Variants in HIF1A observed in about 807,000 individuals in gnomAD.
HIF1A encodes hypoxia inducible factor 1 subunit alpha.
In HIF1A, 24 loss-of-function variants were observed where a neutral mutation model predicts 92.7. The observed-to-expected ratio is 0.26, with a 90% CI of 0.19 to 0.36. The LOEUF (loss-of-function observed/expected upper bound fraction) is 0.36, where lower values mean the gene tolerates loss of function less well. Ranked by LOEUF, HIF1A falls within the 10% of genes least tolerant of loss-of-function variation. The probability of loss-of-function intolerance (pLI) is 1.00; values close to 1 mark genes in which losing one functional copy is unlikely to be tolerated. For synonymous variants in HIF1A, 319 were observed against 338.7 expected (o/e 0.94, Z 0.64); for missense variants, 799 against 998.5 (o/e 0.80, Z 2.69).
intron 7 of HIF1A, among the ~76,000 whole-genome samples, chr14:61,732,990 G>A (rs185739907): frequency 2.6e-5 from 4 of 152,316 alleles, no homozygotes; most frequent in Admixed American, 1.3e-4. Flanking sequence ...ATATAGGCAT[G>A]CAGTGCATAA....
chr14:61,721,679 T>A (rs73331628), intron 3 of HIF1A, 25 bp downstream of exon 3: 1 of 1,608,404 alleles, frequency 6.2e-7, no homozygotes, highest in African/African-American at 1.3e-5. Flanking sequence ...TATTAAGAGC[T>A]CTTCTATATG....
At chr14:61,729,106 C>T (rs996078075) in intron 6 of HIF1A, among the ~76,000 whole-genome samples, 1 of 152,200 alleles carries the variant, frequency 6.6e-6, no homozygotes, top group East Asian at 1.9e-4. Context: ...AGCTCTGATA[C>T]TTACAATGTG....
At chr14:61,744,656 AT>A (rs752667598) in intron 12 of HIF1A, 48 bp from the exon 13 acceptor site, 58 of 763,024 alleles carry the variant, frequency 7.6e-5, no homozygotes, top group South Asian at 1.7e-4. Context: ...CTCACTGGAT[AT>A]TTTTTTTAAA....
chr14:61,715,194 T>C (rs891032491), intron 1 of HIF1A, among the ~76,000 whole-genome samples: 9 of 152,224 alleles, frequency 5.9e-5, no homozygotes, highest in African/African-American at 2.2e-4. Flanking sequence ...GCCATAATGA[T>C]TGGCATTACC....
At chr14:61,720,352 T>C in intron 1 of HIF1A, 30 bp from the exon 2 acceptor site, 2 of 1,548,670 alleles carry the variant, frequency 1.3e-6, no homozygotes, top group Non-Finnish European at 1.8e-6. Context: ...ACACTTTCCA[T>C]CTCGTGTTTT....
At chr14:61,745,906 C>A in intron 14 of HIF1A, 89 bp downstream of exon 14, 2 of 1,183,016 alleles carry the variant, frequency 1.7e-6, no homozygotes, top group Non-Finnish European at 1.2e-6. Context: ...GTGAGAATGA[C>A]TTTGGTTCCT....
chr14:61,720,349 C>A lies in HIF1A; in HGVS notation c.36-33C>A, dbSNP rs766609703. 4 of 1,534,806 alleles carry A rather than the reference C, an allele frequency of 2.6e-6. No individual in the cohort carries two copies. The East Asian group carries it at 9.2e-5, about 35-fold the overall frequency. On this transcript the variant is annotated intron_variant, in intron 1 of 14. Coordinates refer to ENST00000337138, the MANE Select transcript of HIF1A (RefSeq NM_001530.4). Reference sequence around the variant, plus strand: ...AGGCAAACTAACTTGTATACACTTTCCATCTCGTGTTTTTCTTGTTGTTGT... The same window carrying A: ...AGGCAAACTAACTTGTATACACTTTACATCTCGTGTTTTTCTTGTTGTTGT...
intron 1 of HIF1A, among the ~76,000 whole-genome samples, chr14:61,718,745 A>C (rs992510645): frequency 2.6e-5 from 4 of 152,204 alleles, no homozygotes; most frequent in African/African-American, 9.7e-5. Context: ...GTTATAGTTC[A>C]TATAGATTCA....
In HIF1A at chr14:61,720,591, G is replaced by T; in HGVS notation, c.226+19G>T. On this transcript the variant is annotated intron_variant, in intron 2 of 14. Coordinates refer to ENST00000337138, the MANE Select transcript of HIF1A (RefSeq NM_001530.4). ...GATGCTGGTGAGTTATTTTACAAGGGTATAAATAGGCCTGAAAATTAGAAG... is the reference window on the plus strand; with the variant it reads ...GATGCTGGTGAGTTATTTTACAAGGTTATAAATAGGCCTGAAAATTAGAAG... The T allele has an allele frequency of 6.9e-7, 1 of 1,457,544 alleles. No individual in the cohort carries two copies. The highest frequency in any genetic ancestry group is 9.3e-7 in the Non-Finnish European group (1 of 1,073,530). The allele number at this position is 1,457,544 out of a possible 1,614,324, so 90.3% of individuals were successfully genotyped here.
At chr14:61,728,867 T>C (rs947379305) in intron 6 of HIF1A, among the ~76,000 whole-genome samples, 1 of 152,160 alleles carries the variant, frequency 6.6e-6, no homozygotes, top group Non-Finnish European at 1.5e-5. Context: ...TTGTTGAAAA[T>C]GCCTCAAATG....
At chr14:61,728,915 T>C (rs951493769) in intron 6 of HIF1A, among the ~76,000 whole-genome samples, 17 of 152,288 alleles carry the variant, frequency 1.1e-4, no homozygotes, top group Admixed American at 1.1e-3. Flanking sequence ...ATTTTGTTTA[T>C]AAAAATACTA....
At chr14:61,726,657 A>G (rs2044508509) in intron 4 of HIF1A, 49 bp from the exon 5 acceptor site, 2 of 1,194,600 alleles carry the variant, frequency 1.7e-6, no homozygotes, top group Non-Finnish European at 1.2e-6. Context: ...TTATTGTAAC[A>G]AATTTGTATA....
Position 61,740,656 on chromosome 14 carries a change from A to C in HIF1A, c.1659+29A>C, listed in dbSNP as rs1443170046. On this transcript the variant is annotated intron_variant, in intron 11 of 14. Coordinates refer to ENST00000337138, the MANE Select transcript of HIF1A (RefSeq NM_001530.4). ...TATGAACTTATTTGTTTTATATTAA[A>C]TTTCATTAATTTTTAGTCTGAAGTG... 8 of 1,556,990 alleles carry C rather than the reference A, an allele frequency of 5.1e-6. No homozygotes were observed. The African/African-American group carries it at 1.1e-4, about 22-fold the overall frequency.
rs1411306990 is a variant in HIF1A at position 61,738,133 on chromosome 14, T to C, written c.1296T>C (p.Asn432=). The C allele has an allele frequency of 6.2e-6, 10 of 1,613,008 alleles. No individual in the cohort carries two copies. Among genetic ancestry groups the C allele is most frequent in the Non-Finnish European group, 7.6e-6 (9 of 1,179,560 alleles). ...AACTTGAGGAAGTACCATTATATAATGATGTAATGCTCCCCTCACCCAACG... is the reference window on the plus strand; with the variant it reads ...AACTTGAGGAAGTACCATTATATAACGATGTAATGCTCCCCTCACCCAACG... ...DQQLEEVPLY[N]DVMLPSPNEK... The change falls in exon 10 of 15, where the codon AAT becomes AAC. Residue 432 remains asparagine, a synonymous_variant. Transcript: ENST00000337138.
At chr14:61,714,163 A>C (rs913271295) in intron 1 of HIF1A, among the ~76,000 whole-genome samples, 1 of 152,226 alleles carries the variant, frequency 6.6e-6, no homozygotes, top group African/African-American at 2.4e-5. Flanking sequence ...CTTAATGTCA[A>C]GCTGACACCA....
At chr14:61,695,875 C>T (rs2044107329) in intron 1 of HIF1A, 36 bp downstream of exon 1, 2 of 1,549,710 alleles carry the variant, frequency 1.3e-6, no homozygotes, top group Admixed American at 2.0e-5. Context: ...CCTTCTCCCC[C>T]GGCGACCCCG....
intron 13 of HIF1A, 146 bp from the exon 14 acceptor site, chr14:61,745,541 CAAAT>C (rs748456613): frequency 5.7e-6 from 4 of 697,036 alleles, no homozygotes; most frequent in Non-Finnish European, 1.0e-5. Flanking sequence ...TAATGGATGA[CAAAT>C]AACTTAAGAA....
intron 14 of HIF1A, among the ~76,000 whole-genome samples, chr14:61,746,567 T>C (rs936312941): frequency 3.1e-4 from 47 of 151,842 alleles, no homozygotes; most frequent in Non-Finnish European, 3.7e-4. Flanking sequence ...CCACACCCGG[T>C]TGCTTTTTGT....
chr14:61,720,017 A>G (rs1051984198), intron 1 of HIF1A, among the ~76,000 whole-genome samples: 4 of 152,182 alleles, frequency 2.6e-5, no homozygotes, highest in African/African-American at 9.7e-5. Context: ...GTTTCTCTGT[A>G]TTGAGACTAC....
Sources: gnomAD v4.1 joint callset for allele counts (sites outside exome capture counted in the v4.1 genomes callset) on GRCh38, gnomAD v4.1.1 for gene constraint, MANE v1.5 for transcripts, NCBI Gene and HGNC (gene_info 2026-07-23, HGNC 2026-07-21) for gene names.